The following KDM5A variants were observed in gnomAD, a reference collection of about 807,000 sequenced individuals.
The protein encoded by KDM5A is lysine-specific demethylase 5A.
Under a neutral mutation model 193.5 loss-of-function variants are expected in KDM5A, and 42 were observed. The observed-to-expected ratio is 0.22, with a 90% CI of 0.17 to 0.28. The LOEUF (loss-of-function observed/expected upper bound fraction) is 0.28. KDM5A is among the 10% of genes least tolerant of loss of function. KDM5A has a pLI of 1.00. For synonymous variants in KDM5A, 796 were observed against 718.1 expected, an observed-to-expected ratio of 1.11 and a Z score of -1.73; for missense variants, 1,692 against 2,055.1, an observed-to-expected ratio of 0.82 and a Z score of 3.42.
intron 1 of KDM5A, 106 bp downstream of exon 1, chr12:388,821 G>GA: frequency 7.4e-7 from 1 of 1,348,082 alleles, no homozygotes; most frequent in South Asian, 1.2e-5. Flanking sequence ...TGTCTCAAAA[G>GA]AGAGTACATA....
chr12:303,448 T>G (rs1943469730), intron 24 of KDM5A, among the ~76,000 whole-genome samples: 1 of 152,056 alleles, frequency 6.6e-6, no homozygotes, highest in African/African-American at 2.4e-5. Flanking sequence ...CACTCATAAG[T>G]GGGAGTTGAA....
At chr12:292,461 A>C (rs577280227) in intron 27 of KDM5A, among the ~76,000 whole-genome samples, 1 of 152,266 alleles carries the variant, frequency 6.6e-6, no homozygotes, top group African/African-American at 2.4e-5. Flanking sequence ...GATTATTCTG[A>C]AACTTGTTAT....
chr12:300,545 G>A (rs1388312613), intron 24 of KDM5A, among the ~76,000 whole-genome samples: 1 of 152,162 alleles, frequency 6.6e-6, no homozygotes, highest in Non-Finnish European at 1.5e-5. Context: ...TGTGTAGAGG[G>A]AAATTTATAG....
At chr12:325,348 T>C (rs1303332470) in intron 14 of KDM5A, among the ~76,000 whole-genome samples, 4 of 152,196 alleles carry the variant, frequency 2.6e-5, no homozygotes, top group Admixed American at 6.5e-5. Context: ...TCCCAAAGTG[T>C]ACTCCAAGGA....
intron 5 of KDM5A, among the ~76,000 whole-genome samples, chr12:357,781 T>C (rs550843329): frequency 7.9e-6 from 1 of 126,838 alleles, no homozygotes; most frequent in Non-Finnish European, 1.6e-5. Context: ...TGAGCTGAGA[T>C]TGCACCACTG....
intron 9 of KDM5A, 40 bp downstream of exon 9, chr12:352,165 T>C: frequency 6.4e-7 from 1 of 1,553,060 alleles, no homozygotes; most frequent in Non-Finnish European, 8.9e-7. Context: ...AGGTAAATCT[T>C]TGTACCTCCC....
At chr12:357,117 C>T (rs1944236844) in intron 5 of KDM5A, among the ~76,000 whole-genome samples, 1 of 152,054 alleles carries the variant, frequency 6.6e-6, no homozygotes, top group Non-Finnish European at 1.5e-5. Flanking sequence ...CCCATCTCTA[C>T]AAAAAGTACA....
Position 350,645 on chromosome 12 carries a change from C to G in KDM5A, c.1284G>C (p.Arg428=), listed in dbSNP as rs371272714. 6.2e-7 allele frequency: 1 copy of G among 1,614,030 alleles called. No individual in the cohort carries two copies. The change falls in exon 10 of 28, where the codon CGG becomes CGC. Residue 428 remains arginine (R), a synonymous_variant. Coordinates refer to ENST00000399788, the MANE Select transcript of KDM5A (RefSeq NM_001042603.3). ...CCTCTTCTTCTGGCAGAATCTTTCT[C>G]CGCCCATCCTTCACCGGAAATCCAC... is the stretch of plus-strand genomic sequence containing the variant. ...FGSGFPVKDG[R]RKILPEEEEY... is the part of the protein sequence containing the mutation.
intron 5 of KDM5A, among the ~76,000 whole-genome samples, chr12:359,340 T>C (rs2137462052): frequency 6.6e-6 from 1 of 152,264 alleles, no homozygotes; most frequent in Admixed American, 6.5e-5. Flanking sequence ...AATACATAAA[T>C]GAACCAGGAT....
chr12:365,943 C>G lies in KDM5A; in HGVS notation c.528G>C (p.Val176=). Residue 176 remains valine, a synonymous_variant, in exon 4 of 28, where the codon GTG becomes GTC. Transcript: ENST00000399788. ...LYPYELFQSG[V]SLMGVQMPNL... ...GAATAATGCATCTCACCATAAGGCT[C>G]ACACCAGACTGGAAAAGCTCATATG... 1.2e-6 allele frequency: 2 copies of G among 1,613,754 alleles called. No individual in the cohort carries two copies. Among genetic ancestry groups the G allele is most frequent in the Non-Finnish European group, 1.7e-6 (2 of 1,179,680 alleles).
At chr12:381,245 C>T (rs907384795) in intron 3 of KDM5A, among the ~76,000 whole-genome samples, 3 of 152,134 alleles carry the variant, frequency 2.0e-5, no homozygotes, top group African/African-American at 7.2e-5. Flanking sequence ...CCTCCTGCCT[C>T]AGCCTCCCAA....
rs576718432 is a variant in KDM5A, at chr12:350,646, C to T, written c.1283G>A (p.Arg428Gln). 29 of 1,613,780 alleles carry T rather than the reference C, an allele frequency of 1.8e-5. No homozygotes were observed. Among genetic ancestry groups the T allele is most frequent in the South Asian group, 1.1e-4 (10 of 91,068 alleles). The change falls in exon 10 of 28, where the codon CGG becomes CAG. Residue 428 changes from arginine (R) to glutamine (Q), a missense_variant. By Grantham distance (43) the Arg-to-Gln change is conservative. This residue lies in a region of KDM5A where 172 missense variants were observed against 260.3 expected (regional missense o/e 0.66). Coordinates refer to ENST00000399788, the MANE Select transcript of KDM5A (RefSeq NM_001042603.3). ...CTCTTCTTCTGGCAGAATCTTTCTC[C>T]GCCCATCCTTCACCGGAAATCCACT... is the stretch of plus-strand genomic sequence containing the variant. ...FGSGFPVKDGRRKILPEEEEY... is the reference protein window; with the variant it reads ...FGSGFPVKDGQRKILPEEEEY...
intron 5 of KDM5A, among the ~76,000 whole-genome samples, chr12:361,880 A>G (rs766619510): frequency 5.3e-5 from 8 of 152,216 alleles, no homozygotes; most frequent in Admixed American, 6.5e-5. Context: ...TTCAGAAAAC[A>G]TAAACTCAGA....
chr12:327,849 C>T (rs1323113836), intron 14 of KDM5A, among the ~76,000 whole-genome samples: 5 of 152,162 alleles, frequency 3.3e-5, no homozygotes, highest in African/African-American at 7.2e-5. Flanking sequence ...TCCACCACTA[C>T]GAAAAATTTA....
intron 1 of KDM5A, among the ~76,000 whole-genome samples, chr12:386,485 C>A (rs1397890678): frequency 6.6e-6 from 1 of 152,132 alleles, no homozygotes; most frequent in Non-Finnish European, 1.5e-5. Flanking sequence ...ACAATCATTT[C>A]CTTACACTTA....
chr12:296,558 C>T lies in KDM5A; in HGVS notation c.4234+483G>A, dbSNP rs188687377. ...ATTTTATTATAAAGAGATAAACACCCTCCATCTTCCAGAGTTGTGACCTAA... is the reference window on the plus strand; with the variant it reads ...ATTTTATTATAAAGAGATAAACACCTTCCATCTTCCAGAGTTGTGACCTAA... On this transcript the variant is annotated intron_variant, in intron 25 of 27. Coordinates refer to ENST00000399788, the MANE Select transcript of KDM5A (RefSeq NM_001042603.3). Among the ~76,000 whole-genome samples the T allele has an allele frequency of 4.6e-5, 7 of 152,278 alleles. No individual in the cohort carries two copies. In the East Asian group the frequency reaches 1.3e-3, roughly 29 times the overall value.
At chr12:331,975 A>C (rs1943871373) in intron 12 of KDM5A, 37 bp from the exon 13 acceptor site, 1 of 1,594,784 alleles carries the variant, frequency 6.3e-7, no homozygotes, top group Non-Finnish European at 8.6e-7. Context: ...CAAAAATAAA[A>C]AATAAAAATA....
chr12:323,100 T>C lies in KDM5A; in HGVS notation c.2257A>G (p.Asn753Asp). Residue 753 changes from asparagine to aspartate, a missense_variant, in exon 16 of 28, where the codon AAC becomes GAC. Asn to Asp is a conservative substitution (Grantham distance 23). This residue lies in a region of KDM5A where 965 missense variants were observed against 1,061.0 expected (regional missense o/e 0.91). Transcript: ENST00000399788. ...VSRVTEALSANFNHKKDLIEL... is the reference protein window; with the variant it reads ...VSRVTEALSADFNHKKDLIEL... ...ATTTAACCTTTTTTGTGGTTGAAGT[T>C]AGCAGACAATGCTTCTGTAACACGA... is the stretch of plus-strand genomic sequence containing the variant. The C allele has an allele frequency of 2.5e-6, 4 of 1,611,656 alleles. No individual in the cohort carries two copies. The highest frequency in any genetic ancestry group is 3.4e-6 in the Non-Finnish European group (4 of 1,179,614).
chr12:366,232 A>G lies in KDM5A; in HGVS notation c.367-128T>C, dbSNP rs924982099. 109 of 747,926 alleles carry G rather than the reference A, an allele frequency of 1.5e-4. 1 individual carries two copies. The highest frequency in any genetic ancestry group is 2.3e-6 in the Non-Finnish European group (1 of 437,062). The allele number at this position is 747,926 out of a possible 1,614,324, so 46.3% of individuals were successfully genotyped here. Reference sequence around the variant, plus strand: ...TCAAATTTCCTTTCAATGAGTATCTAACCAAACTGACACTTGTCAACATTT... The same window carrying G: ...TCAAATTTCCTTTCAATGAGTATCTGACCAAACTGACACTTGTCAACATTT... On this transcript the variant is annotated intron_variant, in intron 3 of 27. Transcript: ENST00000399788.
Sources: gnomAD v4.1 joint callset for allele counts (sites outside exome capture counted in the v4.1 genomes callset) on GRCh38, gnomAD v4.1.1 for gene constraint, gnomAD v4.1.1 regional missense constraint, MANE v1.5 for transcripts, NCBI Gene and HGNC (gene_info 2026-07-23, HGNC 2026-07-21) for gene names.